The following TTLL3 variants were observed in gnomAD, a reference collection of about 807,000 sequenced individuals.
The protein encoded by TTLL3 is tubulin monoglycylase TTLL3.
Under a neutral mutation model 75.2 loss-of-function variants are expected in TTLL3, and 63 were observed. That is an observed-to-expected ratio of 0.84 (90% CI 0.68 to 1.03). The LOEUF is 1.03. TTLL3 is among the 50% of genes least tolerant of loss of function. TTLL3 has a pLI of 0.00. For synonymous variants in TTLL3, 393 were observed against 418.5 expected (o/e 0.94, Z 0.74); for missense variants, 997 against 1,069.9 (o/e 0.93, Z 0.95).
rs1224851821 is a variant in TTLL3 at position 9,836,245 on chromosome 3, A to T, written c.*756A>T. On this transcript the variant is annotated 3_prime_UTR_variant, in exon 14 of 14. Coordinates refer to ENST00000685419, the MANE Select transcript of TTLL3 (RefSeq NM_001387446.1). Reference sequence around the variant, plus strand: ...GCCTGGGAAGATCAAAACTGTGGTGAGCTGTGATCACGCCACTGCGCTCTG... The same window carrying T: ...GCCTGGGAAGATCAAAACTGTGGTGTGCTGTGATCACGCCACTGCGCTCTG... The T allele has an allele frequency of 6.6e-6, 1 of 151,404 alleles. No individual in the cohort carries two copies. Among genetic ancestry groups the T allele is most frequent in the Non-Finnish European group, 1.5e-5 (1 of 67,932 alleles). 9.4% of individuals were successfully genotyped at this position (151,404 alleles called of 1,614,324 possible).
At position 9,829,409 on chromosome 3, in the gene TTLL3, GC is replaced by G. The variant is rs2081327580; in HGVS notation, c.1683+17del. On this transcript the variant is annotated intron_variant, in intron 11 of 13. Coordinates refer to ENST00000685419, the MANE Select transcript of TTLL3 (RefSeq NM_001387446.1). ...ATCTATAAGCAGGTGAGGAGGTTGGGCCCAGGCAGGACCCCAGAGAGTCTGC... is the reference window on the plus strand; with the variant it reads ...ATCTATAAGCAGGTGAGGAGGTTGGGCCAGGCAGGACCCCAGAGAGTCTGC... The G allele has an allele frequency of 2.5e-6, 4 of 1,570,218 alleles. No homozygotes were observed. Among genetic ancestry groups the G allele is most frequent in the Non-Finnish European group, 2.6e-6 (3 of 1,154,916 alleles).
chr3:9,809,897 G>C, upstream of TTLL3: 1 of 807,094 alleles, frequency 1.2e-6, no homozygotes, highest in Non-Finnish European at 1.7e-6. Context: ...GCGGGGCTTG[G>C]AACGGAGGAC....
At chr3:9,818,722 G>A in intron 6 of TTLL3, 100 bp from the exon 7 acceptor site, 1 of 1,593,712 alleles carries the variant, frequency 6.3e-7, no homozygotes, top group Non-Finnish European at 8.5e-7. Flanking sequence ...GGTAGAGTCA[G>A]GTTCTGGATC....
intron 12 of TTLL3, 64 bp from the exon 13 acceptor site, chr3:9,834,617 G>T (rs13088594): frequency 0.89 from 1,423,394 of 1,601,580 alleles, 634,649 homozygotes; most frequent in Non-Finnish European, 0.91. Context: ...ACACGTACCT[G>T]TTAGGGCAGC....
At chr3:9,817,070 C>G (rs542281810) in intron 5 of TTLL3, among the ~76,000 whole-genome samples, 1 of 152,162 alleles carries the variant, frequency 6.6e-6, no homozygotes, top group African/African-American at 2.4e-5. Context: ...ACTTCAGCCT[C>G]CCAGAGTGCT....
chr3:9,828,744 C>A (rs777081305), intron 10 of TTLL3: 33 of 623,624 alleles, frequency 5.3e-5, no homozygotes, highest in Middle Eastern at 2.5e-4. Flanking sequence ...TAACTAGCGC[C>A]CTCAGAGCAG....
intron 12 of TTLL3, chr3:9,834,391 C>A (rs1331416182): frequency 3.3e-6 from 2 of 609,298 alleles, no homozygotes; most frequent in Admixed American, 2.1e-5. Context: ...TTTACACCAA[C>A]CTAGCAAGGT....
Position 9,818,739 on chromosome 3 carries a change from G to A in TTLL3, c.560-83G>A, listed in dbSNP as rs536702598. 287 of 1,603,800 alleles carry A rather than the reference G, an allele frequency of 1.8e-4. 1 individual carries two copies. In the South Asian group the frequency reaches 2.5e-3, roughly 14 times the overall value. On this transcript the variant is annotated intron_variant, in intron 6 of 13. Coordinates refer to ENST00000685419, the MANE Select transcript of TTLL3 (RefSeq NM_001387446.1). ...TAGAGTCAGGTTCTGGATCCAAAAT[G>A]GGGCAAGTCATGATCAGGTTCTGGA...
chr3:9,834,970 G>A, intron 13 of TTLL3, 63 bp downstream of exon 13: 1 of 1,611,730 alleles, frequency 6.2e-7, no homozygotes, highest in Non-Finnish European at 8.5e-7. Flanking sequence ...AGGGCTGGAG[G>A]GCACAGGCAG....
At chr3:9,817,608 C>T in intron 5 of TTLL3, 37 bp from the exon 6 acceptor site, 1 of 1,613,220 alleles carries the variant, frequency 6.2e-7, no homozygotes, top group Middle Eastern at 1.8e-4. Flanking sequence ...TGAGTGTGGG[C>T]AGTCCTGCCC....
At chr3:9,815,368 AAC>A (rs1469435996) in intron 4 of TTLL3, among the ~76,000 whole-genome samples, 2 of 152,226 alleles carry the variant, frequency 1.3e-5, no homozygotes, top group Admixed American at 1.3e-4. Flanking sequence ...TCATCTGTAA[AAC>A]AGAGATAACC....
At position 9,810,293 on chromosome 3, in the gene TTLL3, C is replaced by T; in HGVS notation, c.-143C>T. 3.3e-6 allele frequency: 5 copies of T among 1,497,828 alleles called. No homozygotes were observed. The South Asian group carries it at 3.7e-5, about 11-fold the overall frequency. 92.8% of individuals were successfully genotyped at this position (1,497,828 alleles called of 1,614,324 possible). ...GCCCCTGCGCGCCGCCTCAGCGGCG[C>T]CTTCAAGACGCTGGTCCCAGGCACC... On this transcript the variant is annotated 5_prime_UTR_variant, in exon 1 of 14. Transcript: ENST00000685419. This position sits in a 1 kb window ranked among gnomAD's most constrained non-coding sequence, Gnocchi z 4.4.
chr3:9,820,491 G>A (rs1333460539), intron 7 of TTLL3, 55 bp from the exon 8 acceptor site: 3 of 1,600,210 alleles, frequency 1.9e-6, no homozygotes, highest in Non-Finnish European at 2.6e-6. Flanking sequence ...GCTGTGGCAT[G>A]CGTCAGGTTA....
intron 8 of TTLL3, 173 bp from the exon 9 acceptor site, chr3:9,825,627 G>A: frequency 8.6e-7 from 1 of 1,160,668 alleles, no homozygotes; most frequent in Non-Finnish European, 1.2e-6. Flanking sequence ...GGATTTCCGG[G>A]GTGGCTTGAA....
intron 7 of TTLL3, chr3:9,820,016 G>A: frequency 1.0e-6 from 1 of 988,546 alleles, no homozygotes; most frequent in South Asian, 4.6e-5. Context: ...TGAAGGGTCA[G>A]TTTCTGTAAT....
intron 7 of TTLL3, 186 bp downstream of exon 7, chr3:9,819,106 C>A: frequency 1.4e-6 from 1 of 725,134 alleles, no homozygotes. Context: ...CATCCACCCA[C>A]GTATTCACCC....
chr3:9,817,615 G>A, intron 5 of TTLL3, 30 bp from the exon 6 acceptor site: 1 of 1,613,550 alleles, frequency 6.2e-7, no homozygotes, highest in African/African-American at 1.3e-5. Flanking sequence ...GGGCAGTCCT[G>A]CCCTGCCCTC....
intron 4 of TTLL3, 38 bp downstream of exon 4, chr3:9,813,383 C>T (rs1360222981): frequency 6.2e-7 from 1 of 1,610,458 alleles, no homozygotes; most frequent in Non-Finnish European, 8.5e-7. Flanking sequence ...CAGGGACTGC[C>T]TGCTTAGAGG....
chr3:9,826,890 C>T (rs2081093825), intron 9 of TTLL3, 107 bp from the exon 10 acceptor site: 3 of 1,546,448 alleles, frequency 1.9e-6, no homozygotes, highest in Non-Finnish European at 2.6e-6. Flanking sequence ...GACAGCCTTA[C>T]CCACTCAGCC....
Sources: allele counts gnomAD v4.1 joint callset (sites outside exome capture counted in the v4.1 genomes callset), GRCh38; gene constraint gnomAD v4.1.1; non-coding constraint Gnocchi (gnomAD v3.1); transcripts MANE v1.5; gene names NCBI Gene and HGNC (gene_info 2026-07-23, HGNC 2026-07-21).